The following TPP2 variants were observed in gnomAD, a reference collection of about 807,000 sequenced individuals.
The protein encoded by TPP2 is tripeptidyl peptidase 2, also known as tripeptidyl-peptidase 2.
In TPP2, 34 loss-of-function variants were observed where a neutral mutation model predicts 155.9. That is an observed-to-expected ratio of 0.22 (90% confidence interval 0.17 to 0.29). The LOEUF (loss-of-function observed/expected upper bound fraction) is 0.29. Among genes scored for constraint, TPP2 ranks in the 10% least tolerant of loss-of-function variants. The pLI, the probability that TPP2 is intolerant of heterozygous loss-of-function variation, is 1.00. For missense variants in TPP2, 1,028 were observed against 1,522.3 expected (o/e 0.68, Z 5.40); for synonymous variants, 510 against 529.4 (o/e 0.96, Z 0.50).
chr13:102,619,563 A>G (rs1209045003), intron 5 of TPP2, among the ~76,000 whole-genome samples: 1 of 152,160 alleles, frequency 6.6e-6, no homozygotes. Flanking sequence ...TCATGCCATG[A>G]CTGCTTCCTC....
intron 10 of TPP2, among the ~76,000 whole-genome samples, chr13:102,630,929 C>G (rs1217535935): frequency 2.6e-5 from 4 of 152,168 alleles, no homozygotes; most frequent in African/African-American, 9.7e-5. Context: ...CATAAACGAA[C>G]AGTTTGTGAT....
rs867697078 is a variant in TPP2 at position 102,645,077 on chromosome 13, A to G, written c.2393+68A>G. 6.3e-6 allele frequency: 9 copies of G among 1,438,632 alleles called. 1 individual carries two copies. The Middle Eastern group carries it at 1.6e-3, about 259-fold the overall frequency. The allele number at this position is 1,438,632 out of a possible 1,614,324, so 89.1% of individuals were successfully genotyped here. ...TTGGGGGGATCTCTTACACTCTTAA[A>G]AAAGGGCCTTTTTTTTTTTTAATCC... On this transcript the variant is annotated intron_variant, in intron 19 of 29. Coordinates refer to ENST00000376052, the MANE Select transcript of TPP2 (RefSeq NM_001330588.2).
rs1173902697 is a variant in TPP2, at chr13:102,643,321, A to C, written c.2120A>C (p.Tyr707Ser). The change falls in exon 17 of 30, where the codon TAT becomes TCT. Residue 707 changes from tyrosine (Y) to serine (S), a missense_variant. By Grantham distance (144) the Tyr-to-Ser change is moderately radical. Coordinates refer to ENST00000376052, the MANE Select transcript of TPP2 (RefSeq NM_001330588.2). ...KQRAYRSHEF[Y>S]KFCSLPEKGT... Reference sequence around the variant, plus strand: ...AGAGCATATCGAAGCCATGAATTCTATAAGTTTTGTTCTCTTCCAGAGAAA... The same window carrying C: ...AGAGCATATCGAAGCCATGAATTCTCTAAGTTTTGTTCTCTTCCAGAGAAA... 1 of 1,613,226 alleles carries C rather than the reference A, an allele frequency of 6.2e-7. No homozygotes were observed. The highest frequency in any genetic ancestry group is 8.5e-7 in the Non-Finnish European group (1 of 1,179,744).
At chr13:102,652,660 A>G (rs1009373891) in intron 24 of TPP2, among the ~76,000 whole-genome samples, 1 of 152,072 alleles carries the variant, frequency 6.6e-6, no homozygotes, top group East Asian at 1.9e-4. Context: ...TGAAATGTCC[A>G]TATTATTACA....
intron 25 of TPP2, among the ~76,000 whole-genome samples, chr13:102,657,426 TCACTC>T (rs1883933519): frequency 6.6e-6 from 1 of 151,812 alleles, no homozygotes; most frequent in Non-Finnish European, 1.5e-5. Flanking sequence ...TTTATTTTAA[TCACTC>T]TAATTTGTTC....
At chr13:102,603,064 A>C (rs1879554343) in intron 1 of TPP2, among the ~76,000 whole-genome samples, 1 of 152,210 alleles carries the variant, frequency 6.6e-6, no homozygotes, top group Non-Finnish European at 1.5e-5. Flanking sequence ...TCCCACAAAA[A>C]TGTGTAAAAA....
intron 10 of TPP2, 52 bp downstream of exon 10, chr13:102,630,247 A>G: frequency 1.4e-6 from 2 of 1,397,984 alleles, no homozygotes; most frequent in Non-Finnish European, 2.0e-6. Flanking sequence ...TAAACTTTAC[A>G]CTGTTGAGAA....
intron 4 of TPP2, among the ~76,000 whole-genome samples, chr13:102,618,074 A>G (rs74112114): frequency 1.3e-5 from 2 of 151,948 alleles, no homozygotes; most frequent in African/African-American, 2.4e-5. Context: ...TTATTTTTTT[A>G]TATACACTCT....
intron 10 of TPP2, among the ~76,000 whole-genome samples, chr13:102,633,374 A>C (rs9518798): frequency 2.0e-5 from 3 of 152,160 alleles, no homozygotes; most frequent in African/African-American, 7.3e-5. Context: ...AAGACTTGGT[A>C]CAAAAAAAAC....
intron 1 of TPP2, among the ~76,000 whole-genome samples, chr13:102,600,385 G>A (rs1298765363): frequency 6.6e-6 from 1 of 151,950 alleles, no homozygotes; most frequent in Non-Finnish European, 1.5e-5. Flanking sequence ...ATTTAATTCT[G>A]CGCGCCCCCT....
intron 23 of TPP2, among the ~76,000 whole-genome samples, chr13:102,650,058 T>C (rs916909990): frequency 1.3e-5 from 2 of 152,176 alleles, no homozygotes; most frequent in African/African-American, 2.4e-5. Context: ...ATGATGCTTT[T>C]TTTAGAAATA....
At chr13:102,616,334 C>A in intron 3 of TPP2, 62 bp from the exon 4 acceptor site, 1 of 1,312,242 alleles carries the variant, frequency 7.6e-7, no homozygotes, top group Admixed American at 2.0e-5. Context: ...ATATAAATGC[C>A]TGTCTAGGTT....
chr13:102,619,827 C>T (rs188699971), intron 5 of TPP2, among the ~76,000 whole-genome samples: 56 of 152,216 alleles, frequency 3.7e-4, no homozygotes, highest in East Asian at 3.3e-3. Flanking sequence ...TATGCATACA[C>T]GTTTTGAAAA....
intron 1 of TPP2, among the ~76,000 whole-genome samples, chr13:102,603,126 G>A (rs1234987573): frequency 6.6e-6 from 1 of 152,144 alleles, no homozygotes; most frequent in Admixed American, 6.5e-5. Flanking sequence ...AAAATTTGTG[G>A]ACTGGCAAGA....
chr13:102,659,369 C>T (rs1327400393), intron 25 of TPP2, among the ~76,000 whole-genome samples: 1 of 152,108 alleles, frequency 6.6e-6, no homozygotes, highest in Non-Finnish European at 1.5e-5. Context: ...CCAGGGAACT[C>T]AATGAACTCA....
At chr13:102,657,946 C>T (rs1883966322) in intron 25 of TPP2, among the ~76,000 whole-genome samples, 1 of 152,122 alleles carries the variant, frequency 6.6e-6, no homozygotes, top group African/African-American at 2.4e-5. Flanking sequence ...TAAAGGAGAG[C>T]TTTTTAGATG....
chr13:102,657,264 T>C, intron 25 of TPP2, 57 bp downstream of exon 25: 1 of 1,445,438 alleles, frequency 6.9e-7, no homozygotes, highest in Non-Finnish European at 9.2e-7. Flanking sequence ...TTCCCAACTA[T>C]AACAATATTG....
intron 27 of TPP2, 110 bp downstream of exon 27, chr13:102,665,035 C>G (rs1163282162): frequency 7.6e-7 from 1 of 1,312,514 alleles, no homozygotes; most frequent in Non-Finnish European, 1.0e-6. Context: ...TTGTTATATC[C>G]TTATAATGGG....
Position 102,664,723 on chromosome 13 carries a change from C to T in TPP2, c.3241-72C>T, listed in dbSNP as rs904698869. 22 of 1,477,062 alleles carry T rather than the reference C, an allele frequency of 1.5e-5. No individual in the cohort carries two copies. In the East Asian group the frequency reaches 3.9e-4, roughly 26 times the overall value. The allele number at this position is 1,477,062 out of a possible 1,614,324, so 91.5% of individuals were successfully genotyped here. A position where few individuals can be genotyped will look rare whatever the true frequency, so the allele number is the denominator to read the frequency against. On this transcript the variant is annotated intron_variant, in intron 26 of 29. Transcript: ENST00000376052. ...GCAGTTGTAGGTCTCATGGTTGAGA[C>T]AGCAGAAGTGAAATTGCTTTCGTAT...
Sources: allele counts gnomAD v4.1 joint callset (sites outside exome capture counted in the v4.1 genomes callset), GRCh38; gene constraint gnomAD v4.1.1; transcripts MANE v1.5; gene names NCBI Gene and HGNC (gene_info 2026-07-23, HGNC 2026-07-21).